KLC3: variants seen among roughly 807,000 people sequenced by gnomAD.
KLC3 encodes the protein kinesin light chain 3, also known as kinesin light chain 2.
Under a neutral mutation model 62.9 loss-of-function variants are expected in KLC3, and 72 were observed. The observed-to-expected ratio is 1.15, with a 90% confidence interval of 0.95 to 1.39. The LOEUF (loss-of-function observed/expected upper bound fraction) is 1.39. Ranked by LOEUF, KLC3 falls within the 40% of genes most tolerant of loss-of-function variation. The pLI, the probability that KLC3 is intolerant of heterozygous loss-of-function variation, is 0.00. For missense variants in KLC3, 848 were observed against 691.6 expected (o/e 1.23, Z -2.54); for synonymous variants, 377 against 300.5 (o/e 1.25, Z -2.63).
intron 5 of KLC3, 120 bp from the exon 6 acceptor site, chr19:45,348,526 G>A (rs1486820400): frequency 2.1e-6 from 2 of 932,258 alleles, no homozygotes; most frequent in East Asian, 2.6e-5. Flanking sequence ...CTCAAAGGGT[G>A]TGCCACCCAT....
chr19:45,340,902 G>C (rs996736600), intron 1 of KLC3, 56 bp downstream of exon 1: 2 of 152,308 alleles, frequency 1.3e-5, no homozygotes, highest in Non-Finnish European at 2.9e-5. Flanking sequence ...ATGGGGGGCG[G>C]GGGCAACCCT....
intron 1 of KLC3, chr19:45,344,850 GCTAAGCTTGTC>G (rs2123178398): frequency 6.5e-6 from 1 of 153,862 alleles, no homozygotes; most frequent in East Asian, 1.9e-4. Flanking sequence ...CCCTGGGCTG[GCTAAGCTTGTC>G]CGATGGAGGA....
rs763646239 is a variant in KLC3, at chr19:45,346,782, G to A, written c.489+8G>A. On this transcript the variant is annotated splice_region_variant and intron_variant, in intron 3 of 12. Coordinates refer to ENST00000391946, the MANE Select transcript of KLC3 (RefSeq NM_177417.3). ...CCACCGGCGGAGAGCCAGGTGCCAC[G>A]GGCAGGGCGAGGCGGGGGGTGCTGG... is the stretch of plus-strand genomic sequence containing the variant. The A allele has an allele frequency of 8.7e-5, 136 of 1,563,756 alleles. No individual in the cohort carries two copies. Among genetic ancestry groups the A allele is most frequent in the Middle Eastern group, 8.3e-4 (5 of 5,996 alleles).
Position 45,351,499 on chromosome 19 carries a change from A to G in KLC3, c.*142A>G. 1 of 1,594,220 alleles carries G rather than the reference A, an allele frequency of 6.3e-7. No individual in the cohort carries two copies. Among genetic ancestry groups the G allele is most frequent in the Middle Eastern group, 1.7e-4 (1 of 5,996 alleles). ...GATAGCTGCCTTCTCCTGCGATTAA[A>G]GGCTGTGGACGTGACAGTGAGAAAT... On this transcript the variant is annotated 3_prime_UTR_variant, in exon 13 of 13. Transcript: ENST00000391946.
intron 2 of KLC3, 114 bp downstream of exon 2, chr19:45,345,913 G>A: frequency 2.4e-6 from 3 of 1,226,220 alleles, no homozygotes; most frequent in South Asian, 3.1e-5. Flanking sequence ...TATTGCAGAG[G>A]GGCACACTTT....
At chr19:45,350,919 A>T in intron 11 of KLC3, 35 bp from the exon 12 acceptor site, 2 of 1,607,848 alleles carry the variant, frequency 1.2e-6, no homozygotes, top group Non-Finnish European at 1.7e-6. Context: ...CCACTCCTGG[A>T]TTCACTCATT....
Position 45,346,574 on chromosome 19 carries a change from G to C in KLC3, c.289G>C (p.Ala97Pro). ...VLLALSAHVG[A>P]LEAEKQRLRS... is the part of the protein sequence containing the mutation. ...GCTGGCCCTGTCGGCACATGTGGGT[G>C]CACTGGAGGCAGAGAAGCAGCGGCT... The change falls in exon 3 of 13, where the codon GCA becomes CCA. Residue 97 changes from alanine to proline, a missense_variant. Ala to Pro is a conservative substitution (Grantham distance 27). Transcript: ENST00000391946. The C allele has an allele frequency of 6.5e-7, 1 of 1,546,982 alleles. No homozygotes were observed. Among genetic ancestry groups the C allele is most frequent in the South Asian group, 1.2e-5 (1 of 83,818 alleles).
chr19:45,344,882 C>T (rs1043841058), intron 1 of KLC3: 2 of 153,036 alleles, frequency 1.3e-5, no homozygotes, highest in African/African-American at 4.9e-5. Flanking sequence ...GGGCGGAGCC[C>T]CTGTTCCCCC....
intron 3 of KLC3, chr19:45,347,202 T>C: frequency 2.0e-6 from 1 of 491,362 alleles, no homozygotes; most frequent in Non-Finnish European, 3.6e-6. Context: ...ATTAGCCGGG[T>C]GTGGTGGCAC....
At chr19:45,348,523 G>T in intron 5 of KLC3, 123 bp from the exon 6 acceptor site, 1 of 903,176 alleles carries the variant, frequency 1.1e-6, no homozygotes, top group South Asian at 1.6e-5. Context: ...GCCCTCAAAG[G>T]GTGTGCCACC....
At position 45,349,614 on chromosome 19, in the gene KLC3, G is replaced by T; in HGVS notation, c.1143+12G>T. The T allele has an allele frequency of 6.2e-7, 1 of 1,600,612 alleles. No homozygotes were observed. Reference sequence around the variant, plus strand: ...CCAAGAACAACCTGGTGAGGCCCCTGGGGCTCAGAGTGGGCCAAGAGTGGA... The same window carrying T: ...CCAAGAACAACCTGGTGAGGCCCCTTGGGCTCAGAGTGGGCCAAGAGTGGA... On this transcript the variant is annotated intron_variant, in intron 8 of 12. Coordinates refer to ENST00000391946, the MANE Select transcript of KLC3 (RefSeq NM_177417.3).
chr19:45,349,901 C>G lies in KLC3; in HGVS notation c.1143+299C>G, dbSNP rs192908789. The G allele has an allele frequency of 2.6e-5, 12 of 457,602 alleles. No homozygotes were observed. In the East Asian group the frequency reaches 3.6e-4, roughly 14 times the overall value. 28.3% of individuals were successfully genotyped at this position (457,602 alleles called of 1,614,324 possible). A position where few individuals can be genotyped will look rare whatever the true frequency, so the allele number is the denominator to read the frequency against. ...TCCCCTCTTAGCCCGGTCCCCACAT[C>G]GCTAGTTCTTATAGCGTCCCTATGA... is the stretch of plus-strand genomic sequence containing the variant. On this transcript the variant is annotated intron_variant, in intron 8 of 12. Coordinates refer to ENST00000391946, the MANE Select transcript of KLC3 (RefSeq NM_177417.3).
chr19:45,348,891 G>A lies in KLC3; in HGVS notation c.939G>A (p.Leu313=), dbSNP rs1252413389. The change falls in exon 7 of 13, where the codon CTG becomes CTA. Residue 313 remains leucine, a synonymous_variant. Coordinates refer to ENST00000391946, the MANE Select transcript of KLC3 (RefSeq NM_177417.3). Reference sequence around the variant, plus strand: ...GGCGTTACCGGGAGGCAGAGCCCCTGTGCCAGCGCGCTTTGGAGATCCGAG... The same window carrying A: ...GGCGTTACCGGGAGGCAGAGCCCCTATGCCAGCGCGCTTTGGAGATCCGAG... The part of the protein sequence containing the change: ...KRGRYREAEP[L]CQRALEIREK... 6.3e-7 allele frequency: 1 copy of A among 1,587,280 alleles called. No individual in the cohort carries two copies. Among genetic ancestry groups the A allele is most frequent in the Non-Finnish European group, 8.6e-7 (1 of 1,167,156 alleles).
chr19:45,349,472 AC>A lies in KLC3; in HGVS notation c.1015del (p.Leu339TrpfsTer22). 3 of 1,613,128 alleles carry A rather than the reference AC, an allele frequency of 1.9e-6. No individual in the cohort carries two copies. The highest frequency in any genetic ancestry group is 2.5e-6 in the Non-Finnish European group (3 of 1,179,524). ...CCAGATGTGGCCAAGCAGCTCAACA[AC>A]CTGGCCCTGCTGTGCCAGAACCAGG... is the stretch of plus-strand genomic sequence containing the variant. ...DHPDVAKQLN[N>X]LALLCQNQGK... is the part of the protein sequence containing the mutation. On this transcript the variant is annotated frameshift_variant, in exon 8 of 13. Coordinates refer to ENST00000391946, the MANE Select transcript of KLC3 (RefSeq NM_177417.3). LOFTEE classifies it high-confidence loss of function.
In KLC3 at chr19:45,349,517, A is replaced by C. The variant is rs916449048; in HGVS notation, c.1058A>C (p.Glu353Ala). The change falls in exon 8 of 13, where the codon GAG becomes GCG. Residue 353 changes from glutamate (E) to alanine (A), a missense_variant. By Grantham distance (107) the Glu-to-Ala change is moderately radical. Transcript: ENST00000391946. ...CQNQGKFEDVERHYARALSIY... is the reference protein window; with the variant it reads ...CQNQGKFEDVARHYARALSIY... ...AACCAGGGCAAGTTTGAGGACGTGG[A>C]GCGGCACTATGCCCGGGCCCTGAGC... 2 of 1,613,484 alleles carry C rather than the reference A, an allele frequency of 1.2e-6. No individual in the cohort carries two copies. The highest frequency in any genetic ancestry group is 2.2e-5 in the East Asian group (1 of 44,856).
At chr19:45,341,180 CTGTGTTTGTGTGTGTGTG>C (rs1971386215) in intron 1 of KLC3, among the ~76,000 whole-genome samples, 1 of 87,836 alleles carries the variant, frequency 1.1e-5, no homozygotes, top group African/African-American at 7.1e-5. Context: ...TCCTGCCTGC[CTGTGTTTGTGTGTGTGTG>C]TGTGTGTGTG....
intron 2 of KLC3, 62 bp from the exon 3 acceptor site, chr19:45,346,482 G>A: frequency 1.4e-6 from 2 of 1,387,012 alleles, no homozygotes; most frequent in South Asian, 1.4e-5. Flanking sequence ...GGCCTGGGCT[G>A]GGTCAGGGGC....
In KLC3 at chr19:45,351,383, G is replaced by C. The variant is rs992520336; in HGVS notation, c.*26G>C. On this transcript the variant is annotated 3_prime_UTR_variant, in exon 13 of 13. Coordinates refer to ENST00000391946, the MANE Select transcript of KLC3 (RefSeq NM_177417.3). ...CGTCCAGTGAACTGCGCTGGCCGCAGCTTCTTGGGAACAGTGCAGGAGGGA... is the reference window on the plus strand; with the variant it reads ...CGTCCAGTGAACTGCGCTGGCCGCACCTTCTTGGGAACAGTGCAGGAGGGA... 6.2e-7 allele frequency: 1 copy of C among 1,607,188 alleles called. No homozygotes were observed. The highest frequency in any genetic ancestry group is 1.3e-5 in the African/African-American group (1 of 74,916).
chr19:45,349,034 T>G, intron 7 of KLC3, 113 bp downstream of exon 7: 3 of 908,240 alleles, frequency 3.3e-6, no homozygotes, highest in Non-Finnish European at 5.0e-6. Context: ...CGTTTGGTAT[T>G]GGGAGACCCC....
Sources: allele counts gnomAD v4.1 joint callset (sites outside exome capture counted in the v4.1 genomes callset), GRCh38; gene constraint gnomAD v4.1.1; transcripts MANE v1.5; gene names NCBI Gene and HGNC (gene_info 2026-07-23, HGNC 2026-07-21).